Variants in AFF3 observed in about 807,000 individuals in gnomAD.
AFF3 encodes the protein AF4/FMR2 family member 3.
In AFF3, 32 loss-of-function variants were observed where a neutral mutation model predicts 129.7. The observed-to-expected ratio is 0.25, with a 90% CI of 0.19 to 0.33. The LOEUF (loss-of-function observed/expected upper bound fraction) is 0.33. Ranked by LOEUF, AFF3 falls within the 10% of genes least tolerant of loss-of-function variation. The pLI is 1.00. For synonymous variants in AFF3, 644 were observed against 635.4 expected (o/e 1.01, Z -0.20); for missense variants, 1,373 against 1,592.0 (o/e 0.86, Z 2.34).
chr2:99,589,591 G>A (rs981177455), intron 15 of AFF3, among the ~76,000 whole-genome samples: 3 of 151,992 alleles, frequency 2.0e-5, no homozygotes, highest in Non-Finnish European at 4.4e-5. Context: ...AGTAGAGACA[G>A]GGTTTCACCA....
rs190945835 is a variant in AFF3 at position 100,050,143 on chromosome 2, A to C, written c.54-41211T>G. ...AAGAGAATTGCTTGAACCAGGGGTG[A>C]GCCGAGATCACACCACTGCACTCCA... On this transcript the variant is annotated intron_variant, in intron 4 of 24. Transcript: ENST00000672756. Among the ~76,000 whole-genome samples the C allele has an allele frequency of 3.5e-3, 531 of 151,090 alleles. 1 individual carries two copies. Among genetic ancestry groups the C allele is most frequent in the African/African-American group, 0.012 (508 of 41,160 alleles).
chr2:99,996,834 G>A (rs1680886655), intron 7 of AFF3, among the ~76,000 whole-genome samples: 1 of 151,878 alleles, frequency 6.6e-6, no homozygotes, highest in South Asian at 2.1e-4. Flanking sequence ...GTAGACGTTG[G>A]CCCCAAAAAC....
chr2:100,135,919 T>C (rs922640349), intron 1 of AFF3, among the ~76,000 whole-genome samples: 23 of 151,946 alleles, frequency 1.5e-4, no homozygotes, highest in African/African-American at 5.6e-4. Context: ...CAATTCTGGA[T>C]GATTTCAAAG....
intron 8 of AFF3, among the ~76,000 whole-genome samples, chr2:99,803,407 C>T (rs779245357): frequency 1.3e-5 from 2 of 151,918 alleles, no homozygotes; most frequent in Non-Finnish European, 2.9e-5. Context: ...AGGGGAGCTA[C>T]AAAACACTAC....
In AFF3 at chr2:99,550,710, C is replaced by T. The variant is rs190537537; in HGVS notation, c.*764G>A. 1.3e-3 allele frequency: 296 copies of T among 232,884 alleles called. No individual in the cohort carries two copies. Among genetic ancestry groups the T allele is most frequent in the Non-Finnish European group, 1.9e-3 (226 of 117,882 alleles). The allele number at this position is 232,884 out of a possible 1,614,324, so 14.4% of individuals were successfully genotyped here. A position where few individuals can be genotyped will look rare whatever the true frequency, so the allele number is the denominator to read the frequency against. ...CTTAGTGTCTGTTAACTTTCAAAGA[C>T]GCCGCGTTTTTGCTAAATCTCAGTG... On this transcript the variant is annotated 3_prime_UTR_variant, in exon 25 of 25. Coordinates refer to ENST00000672756, the MANE Select transcript of AFF3 (RefSeq NM_001386135.1).
At chr2:100,022,319 A>G (rs563991838) in intron 4 of AFF3, among the ~76,000 whole-genome samples, 1 of 152,314 alleles carries the variant, frequency 6.6e-6, no homozygotes, top group East Asian at 1.9e-4. Flanking sequence ...AATCTTTAAG[A>G]AATGTTGCAA....
At chr2:100,108,232 ATATGTTGAACCCCAGGACAGCG>A in intron 2 of AFF3, among the ~76,000 whole-genome samples, 1 of 152,264 alleles carries the variant, frequency 6.6e-6, no homozygotes, top group Middle Eastern at 3.4e-3. Flanking sequence ...TTACATGCTA[ATATGTTGAACCCCAGGACAGCG>A]TAGATTTTAG....
chr2:99,804,117 TA>T (rs2105526437), intron 8 of AFF3, among the ~76,000 whole-genome samples: 1 of 152,218 alleles, frequency 6.6e-6, no homozygotes, highest in East Asian at 1.9e-4. Context: ...AGCTTCTGCA[TA>T]GCAAAAGAAA....
chr2:99,727,961 C>T (rs1375087052), intron 10 of AFF3, among the ~76,000 whole-genome samples: 1 of 152,148 alleles, frequency 6.6e-6, no homozygotes, highest in African/African-American at 2.4e-5. Flanking sequence ...GGTTTTGGGG[C>T]CCCTAGCTTA....
chr2:100,064,740 C>T (rs756188019), intron 4 of AFF3, among the ~76,000 whole-genome samples: 4 of 152,152 alleles, frequency 2.6e-5, no homozygotes, highest in Non-Finnish European at 4.4e-5. Context: ...CGTCATGCAG[C>T]GATAATTTCA....
intron 3 of AFF3, 114 bp downstream of exon 3, chr2:100,105,390 A>T (rs1215066997): frequency 7.8e-7 from 1 of 1,285,890 alleles, no homozygotes; most frequent in African/African-American, 1.5e-5. Context: ...GGCGCGGAGG[A>T]AACCTCTTCC....
rs764555960 is a variant in AFF3, at chr2:100,129,321, C to A, written c.-227-15G>T. 1 of 150,994 alleles carries A rather than the reference C, an allele frequency of 6.6e-6. No individual in the cohort carries two copies. The highest frequency in any genetic ancestry group is 1.5e-5 in the Non-Finnish European group (1 of 67,916). 9.4% of individuals were successfully genotyped at this position (150,994 alleles called of 1,614,324 possible). ...TGTGAAACTTTCTGCAAAACAAAAG[C>A]GATTGGGTATTTAGGCAAAAACATC... On this transcript the variant is annotated splice_polypyrimidine_tract_variant and intron_variant, in intron 1 of 24. Transcript: ENST00000672756.
chr2:99,580,623 G>A (rs1215851377), intron 17 of AFF3, among the ~76,000 whole-genome samples: 4 of 152,334 alleles, frequency 2.6e-5, no homozygotes, highest in South Asian at 2.1e-4. Flanking sequence ...GGCCGGGCGC[G>A]GTGGCTCATG....
chr2:99,720,172 A>T (rs1240017541), intron 11 of AFF3, among the ~76,000 whole-genome samples: 6 of 152,072 alleles, frequency 3.9e-5, no homozygotes, highest in Non-Finnish European at 8.8e-5. Flanking sequence ...TATAGTTTGG[A>T]TATGGTTTGT....
intron 4 of AFF3, among the ~76,000 whole-genome samples, chr2:100,090,634 AC>A (rs1689773403): frequency 2.0e-5 from 3 of 152,036 alleles, no homozygotes; most frequent in Non-Finnish European, 4.4e-5. Flanking sequence ...TATATACCTC[AC>A]TGTACCTGCT....
chr2:100,135,849 G>A (rs1298409016), intron 1 of AFF3, among the ~76,000 whole-genome samples: 1 of 152,196 alleles, frequency 6.6e-6, no homozygotes. Flanking sequence ...TTGGAGAGCA[G>A]GGGAGAGACC....
chr2:99,850,875 T>C (rs562076078), intron 7 of AFF3, among the ~76,000 whole-genome samples: 1 of 152,348 alleles, frequency 6.6e-6, no homozygotes, highest in Admixed American at 6.5e-5. Context: ...AATGGATTAA[T>C]TGGGTAGAGA....
chr2:99,653,044 G>A (rs546024102), intron 12 of AFF3, among the ~76,000 whole-genome samples: 4 of 152,294 alleles, frequency 2.6e-5, no homozygotes, highest in African/African-American at 7.2e-5. Context: ...CGCAGAGCAT[G>A]CTGATAAAAC....
chr2:99,568,980 C>A (rs1435226268), intron 18 of AFF3, 65 bp from the exon 19 acceptor site: 9 of 1,435,794 alleles, frequency 6.3e-6, no homozygotes, highest in Non-Finnish European at 8.8e-6. Flanking sequence ...TAAAATATTC[C>A]TTCCTTTCAC....
Sources: gnomAD v4.1 joint callset for allele counts (sites outside exome capture counted in the v4.1 genomes callset) on GRCh38, gnomAD v4.1.1 for gene constraint, MANE v1.5 for transcripts, NCBI Gene and HGNC (gene_info 2026-07-23, HGNC 2026-07-21) for gene names.